CHRNA7: variants seen among roughly 807,000 people sequenced by gnomAD.
CHRNA7 encodes the protein neuronal acetylcholine receptor subunit alpha-7.
Under a neutral mutation model 48.0 loss-of-function variants are expected in CHRNA7, and 17 were observed. The observed-to-expected ratio is 0.35, with a 90% CI of 0.24 to 0.53. CHRNA7 has a LOEUF of 0.53. Ranked by LOEUF, CHRNA7 falls within the 20% of genes least tolerant of loss-of-function variation. The pLI is 0.92. For missense variants in CHRNA7, 155 were observed against 577.7 expected (o/e 0.27, Z 7.50); for synonymous variants, 75 against 242.3 (o/e 0.31, Z 6.41).
At chr15:32,042,580 C>CTGAG (rs1306946168) in intron 2 of CHRNA7, among the ~76,000 whole-genome samples, 15 of 152,204 alleles carry the variant, frequency 9.9e-5, no homozygotes, top group African/African-American at 3.4e-4. Context: ...GTTGTACACA[C>CTGAG]TGAGCCTCCA....
At chr15:32,109,846 T>A (rs1377860973) in intron 3 of CHRNA7, among the ~76,000 whole-genome samples, 2 of 151,964 alleles carry the variant, frequency 1.3e-5, no homozygotes, top group Admixed American at 6.6e-5. Context: ...GATGAGCCCG[T>A]GGTTTACGCA....
Position 32,057,052 on chromosome 15 carries a change from T to C in CHRNA7, c.195+26015T>C, listed in dbSNP as rs956108834. ...ATCTGATTGGCTACCACTAGGCACT[T>C]GTCTTACTTGGCATGGGGTGATGAA... On this transcript the variant is annotated intron_variant, in intron 2 of 9. Coordinates refer to ENST00000306901, the MANE Select transcript of CHRNA7 (RefSeq NM_000746.6). Among the ~76,000 whole-genome samples the C allele has an allele frequency of 2.6e-5, 4 of 152,184 alleles. No individual in the cohort carries two copies. In the South Asian group the frequency reaches 6.2e-4, roughly 24 times the overall value.
chr15:32,114,668 C>T (rs898663330), intron 4 of CHRNA7, among the ~76,000 whole-genome samples: 2 of 152,216 alleles, frequency 1.3e-5, no homozygotes, highest in Non-Finnish European at 2.9e-5. Context: ...ATGAACCCAA[C>T]GTGGAATGAA....
intron 2 of CHRNA7, among the ~76,000 whole-genome samples, chr15:32,043,482 A>T (rs1514252): frequency 0.26 from 40,025 of 151,280 alleles, 6,421 homozygotes; most frequent in East Asian, 0.61. Context: ...ATTTTATATT[A>T]TTCTAATTTT....
chr15:32,069,478 G>C (rs2050019649), intron 2 of CHRNA7, among the ~76,000 whole-genome samples: 1 of 151,928 alleles, frequency 6.6e-6, no homozygotes, highest in East Asian at 1.9e-4. Context: ...AGACCCAATT[G>C]CTACAAAAAA....
chr15:32,144,059 G>A (rs2051436603), intron 4 of CHRNA7, among the ~76,000 whole-genome samples: 2 of 152,188 alleles, frequency 1.3e-5, no homozygotes, highest in Admixed American at 1.3e-4. Context: ...GCTGGTACCA[G>A]TTGTTCCTTT....
At chr15:32,050,270 T>C (rs4779564) in intron 2 of CHRNA7, among the ~76,000 whole-genome samples, 134,129 of 152,218 alleles carry the variant, frequency 0.88, 59,763 homozygotes, top group South Asian at 0.95. Context: ...CTCCCCGTCA[T>C]TTTCAGGTAC....
intron 2 of CHRNA7, among the ~76,000 whole-genome samples, chr15:32,059,609 A>C (rs528135949): frequency 1.3e-5 from 2 of 152,298 alleles, no homozygotes; most frequent in East Asian, 3.9e-4. Flanking sequence ...TACAGTGGGA[A>C]ATTAAATTTA....
intron 2 of CHRNA7, among the ~76,000 whole-genome samples, chr15:32,057,474 C>CA (rs747808400): frequency 9.9e-5 from 15 of 152,268 alleles, no homozygotes; most frequent in Admixed American, 4.6e-4. Flanking sequence ...AGGTAATGAA[C>CA]ATTTTGGTGT....
Position 32,079,202 on chromosome 15 carries a change from A to G in CHRNA7, c.196-22101A>G, listed in dbSNP as rs374911586. On this transcript the variant is annotated intron_variant, in intron 2 of 9. Coordinates refer to ENST00000306901, the MANE Select transcript of CHRNA7 (RefSeq NM_000746.6). ...AGACCCACAGCCAATATCATACTGAATGGGCAAAAGCTGGAAACATTCCCC... is the reference window on the plus strand; with the variant it reads ...AGACCCACAGCCAATATCATACTGAGTGGGCAAAAGCTGGAAACATTCCCC... 7.2e-5 allele frequency among the ~76,000 whole-genome samples: 11 copies of G among 152,340 alleles called. 2 individuals are homozygous for G. The highest frequency in any genetic ancestry group is 5.2e-4 in the Admixed American group (8 of 15,304).
At chr15:32,039,695 GT>G (rs2049413283) in intron 2 of CHRNA7, among the ~76,000 whole-genome samples, 1 of 151,860 alleles carries the variant, frequency 6.6e-6, no homozygotes, top group Admixed American at 6.6e-5. Context: ...AATATTCCAT[GT>G]GAACTTGAGA....
At chr15:32,055,516 G>A (rs2049771526) in intron 2 of CHRNA7, among the ~76,000 whole-genome samples, 1 of 152,190 alleles carries the variant, frequency 6.6e-6, no homozygotes, top group East Asian at 1.9e-4. Flanking sequence ...GAGAGCAAGA[G>A]GGCTAAACCT....
chr15:32,134,848 G>A (rs943168334), intron 4 of CHRNA7, among the ~76,000 whole-genome samples: 13 of 152,308 alleles, frequency 8.5e-5, no homozygotes, highest in Non-Finnish European at 8.8e-5. Flanking sequence ...AGACAGTGGA[G>A]GCATAGAATG....
intron 2 of CHRNA7, among the ~76,000 whole-genome samples, chr15:32,075,673 T>C (rs1055806324): frequency 6.6e-6 from 1 of 152,070 alleles, no homozygotes; most frequent in African/African-American, 2.4e-5. Context: ...ATTTTCTCTA[T>C]TGCTTGCTTT....
intron 4 of CHRNA7, among the ~76,000 whole-genome samples, chr15:32,127,149 C>T (rs1230435476): frequency 6.6e-6 from 1 of 152,034 alleles, no homozygotes; most frequent in African/African-American, 2.4e-5. Flanking sequence ...AGTTTGTAAC[C>T]TTTTGAGGGT....
chr15:32,108,131 C>A (rs1417053069), intron 3 of CHRNA7, among the ~76,000 whole-genome samples: 1 of 152,086 alleles, frequency 6.6e-6, no homozygotes, highest in Non-Finnish European at 1.5e-5. Flanking sequence ...CCACTAGCAT[C>A]CACACACATT....
At chr15:32,106,337 A>G (rs1481923568) in intron 3 of CHRNA7, among the ~76,000 whole-genome samples, 1 of 152,230 alleles carries the variant, frequency 6.6e-6, no homozygotes, top group African/African-American at 2.4e-5. Context: ...TAAACTCTGC[A>G]AATGATACAT....
intron 2 of CHRNA7, among the ~76,000 whole-genome samples, chr15:32,068,264 A>G (rs2049997902): frequency 6.6e-6 from 1 of 152,162 alleles, no homozygotes; most frequent in Admixed American, 6.5e-5. Context: ...GTGAACTGTG[A>G]TTACACTGCA....
intron 2 of CHRNA7, among the ~76,000 whole-genome samples, chr15:32,037,117 G>C (rs559449606): frequency 6.6e-6 from 1 of 152,212 alleles, no homozygotes; most frequent in South Asian, 2.1e-4. Flanking sequence ...AAGGGTGTAA[G>C]GTCCGTGTCT....
Sources: allele counts gnomAD v4.1 joint callset (sites outside exome capture counted in the v4.1 genomes callset), GRCh38; gene constraint gnomAD v4.1.1; transcripts MANE v1.5; gene names NCBI Gene and HGNC (gene_info 2026-07-23, HGNC 2026-07-21).